Variants in TENT4B observed in about 807,000 individuals in gnomAD.
The protein encoded by TENT4B is terminal nucleotidyltransferase 4B.
TENT4B carries 10 observed loss-of-function variants against 75.0 expected under a neutral mutation model. The observed-to-expected ratio is 0.13, with a 90% CI of 0.08 to 0.23. The LOEUF (loss-of-function observed/expected upper bound fraction) is 0.23. TENT4B is among the 10% of genes least tolerant of loss of function. TENT4B has a pLI of 1.00. For synonymous variants in TENT4B, 350 were observed against 357.7 expected (o/e 0.98, Z 0.24); for missense variants, 579 against 893.8 (o/e 0.65, Z 4.49).
chr16:50,157,292 A>T (rs1193751533), intron 1 of TENT4B, among the ~76,000 whole-genome samples: 2 of 152,178 alleles, frequency 1.3e-5, no homozygotes, highest in Non-Finnish European at 2.9e-5. Context: ...TTTATTTAGA[A>T]TGCTGACCTC....
intron 1 of TENT4B, among the ~76,000 whole-genome samples, chr16:50,160,448 G>A (rs887615717): frequency 6.6e-6 from 1 of 152,164 alleles, no homozygotes; most frequent in African/African-American, 2.4e-5. Context: ...AGATAGGATG[G>A]GAAAGGGATA....
At chr16:50,171,477 G>T (rs980259361) in intron 1 of TENT4B, among the ~76,000 whole-genome samples, 6 of 152,104 alleles carry the variant, frequency 3.9e-5, no homozygotes, top group African/African-American at 1.4e-4. Context: ...CAGTATCAAG[G>T]GATCACAGAT....
chr16:50,174,901 C>A (rs1324503497), intron 1 of TENT4B, among the ~76,000 whole-genome samples: 1 of 152,030 alleles, frequency 6.6e-6, no homozygotes, highest in Non-Finnish European at 1.5e-5. Context: ...TGCTACCACA[C>A]CCGACTAATT....
intron 2 of TENT4B, among the ~76,000 whole-genome samples, chr16:50,213,505 C>G (rs1424385018): frequency 3.9e-5 from 6 of 152,208 alleles, no homozygotes; most frequent in African/African-American, 7.2e-5. Context: ...AAGGCCCTCA[C>G]TTGCCCTACA....
At chr16:50,222,705 G>A (rs1386312489) in intron 6 of TENT4B, among the ~76,000 whole-genome samples, 1 of 152,084 alleles carries the variant, frequency 6.6e-6, no homozygotes, top group African/African-American at 2.4e-5. Context: ...AAAATGTACG[G>A]CCTGGTTTCC....
rs2032344676 is a variant in TENT4B, at chr16:50,233,128, A to T, written c.*3800A>T. 1.0e-6 allele frequency: 1 copy of T among 982,578 alleles called. No individual in the cohort carries two copies. The highest frequency in any genetic ancestry group is 1.1e-4 in the East Asian group (1 of 8,818). 60.9% of individuals were successfully genotyped at this position (982,578 alleles called of 1,614,324 possible). A position where few individuals can be genotyped will look rare whatever the true frequency, so the allele number is the denominator to read the frequency against. ...AAACCTAATTGAATATAAAAGTTAT[A>T]TTTAGTAGTTACTGTTGATAGTAAT... On this transcript the variant is annotated 3_prime_UTR_variant, in exon 12 of 12. Coordinates refer to ENST00000561678, the MANE Select transcript of TENT4B (RefSeq NM_001365324.3).
At chr16:50,222,040 C>A (rs138231270) in intron 5 of TENT4B, among the ~76,000 whole-genome samples, 2,707 of 152,284 alleles carry the variant, frequency 0.018, 98 homozygotes, top group African/African-American at 0.062. Flanking sequence ...GCTAGGATTA[C>A]AGGCATGAGC....
At chr16:50,199,038 G>T (rs2030467166) in intron 1 of TENT4B, among the ~76,000 whole-genome samples, 1 of 152,228 alleles carries the variant, frequency 6.6e-6, no homozygotes, top group Non-Finnish European at 1.5e-5. Context: ...TTCTTTTTGG[G>T]GTTGGCTCCA....
intron 1 of TENT4B, among the ~76,000 whole-genome samples, chr16:50,163,191 G>A (rs1597220888): frequency 6.6e-6 from 1 of 152,094 alleles, no homozygotes; most frequent in South Asian, 2.1e-4. Flanking sequence ...AGAATACATA[G>A]GATTGTGTTT....
intron 1 of TENT4B, among the ~76,000 whole-genome samples, chr16:50,178,260 A>T (rs2038347300): frequency 6.6e-6 from 1 of 151,086 alleles, no homozygotes; most frequent in Admixed American, 6.6e-5. Context: ...GTTTGAGACC[A>T]GCCTGGGCAA....
chr16:50,190,183 ATAT>A (rs1475776706), intron 1 of TENT4B, among the ~76,000 whole-genome samples: 2 of 151,910 alleles, frequency 1.3e-5, no homozygotes, highest in Non-Finnish European at 2.9e-5. Context: ...GCTAGTATTG[ATAT>A]TATACCATAG....
intron 5 of TENT4B, among the ~76,000 whole-genome samples, chr16:50,221,920 C>T (rs571782924): frequency 6.6e-6 from 1 of 152,206 alleles, no homozygotes; most frequent in African/African-American, 2.4e-5. Context: ...CCCACCACCA[C>T]TCCTGGCTAT....
intron 1 of TENT4B, among the ~76,000 whole-genome samples, chr16:50,179,911 G>T (rs1208695208): frequency 6.6e-6 from 1 of 151,962 alleles, no homozygotes; most frequent in African/African-American, 2.4e-5. Context: ...CATACCGTTG[G>T]GTTTCCTGTG....
chr16:50,190,811 A>T (rs2038625067), intron 1 of TENT4B, among the ~76,000 whole-genome samples: 1 of 151,988 alleles, frequency 6.6e-6, no homozygotes, highest in Non-Finnish European at 1.5e-5. Context: ...GTTTGCAGAA[A>T]CTTTTCATCT....
At position 50,230,091 on chromosome 16, in the gene TENT4B, T is replaced by C; in HGVS notation, c.*763T>C. 17 of 984,702 alleles carry C rather than the reference T, an allele frequency of 1.7e-5. No individual in the cohort carries two copies. The highest frequency in any genetic ancestry group is 2.0e-5 in the Non-Finnish European group (17 of 829,418). 61.0% of individuals were successfully genotyped at this position (984,702 alleles called of 1,614,324 possible). A position where few individuals can be genotyped will look rare whatever the true frequency, so the allele number is the denominator to read the frequency against. ...TTTTCCTCTCTAAAGAAAAGGTTTATGGTGGCAAATGATGTTTATTTTATT... is the reference window on the plus strand; with the variant it reads ...TTTTCCTCTCTAAAGAAAAGGTTTACGGTGGCAAATGATGTTTATTTTATT... On this transcript the variant is annotated 3_prime_UTR_variant, in exon 12 of 12. Transcript: ENST00000561678.
chr16:50,177,085 C>T (rs1597237626), intron 1 of TENT4B, among the ~76,000 whole-genome samples: 1 of 151,880 alleles, frequency 6.6e-6, no homozygotes, highest in African/African-American at 2.4e-5. Context: ...TCACTGCAAC[C>T]TCTGCCTCCC....
chr16:50,155,703 T>C (rs2037884900), intron 1 of TENT4B, among the ~76,000 whole-genome samples: 1 of 152,162 alleles, frequency 6.6e-6, no homozygotes, highest in South Asian at 2.1e-4. Flanking sequence ...TCAAGGGTGC[T>C]CTCCATGGTC....
chr16:50,156,653 T>G (rs1173836685), intron 1 of TENT4B, among the ~76,000 whole-genome samples: 1 of 151,992 alleles, frequency 6.6e-6, no homozygotes, highest in African/African-American at 2.4e-5. Flanking sequence ...CTCATTATCC[T>G]GATTTCTTTT....
intron 1 of TENT4B, among the ~76,000 whole-genome samples, chr16:50,204,471 GTTTTGGACTTGTT>G (rs1382526675): frequency 6.6e-6 from 1 of 152,186 alleles, no homozygotes; most frequent in Non-Finnish European, 1.5e-5. Flanking sequence ...AAGCAGTTGT[GTTTTGGACTTGTT>G]TAGTTCGAGG....
Sources: gnomAD v4.1 joint callset for allele counts (sites outside exome capture counted in the v4.1 genomes callset) on GRCh38, gnomAD v4.1.1 for gene constraint, MANE v1.5 for transcripts, NCBI Gene and HGNC (gene_info 2026-07-23, HGNC 2026-07-21) for gene names.